The following ABCA13 variants were observed in gnomAD, a reference collection of about 807,000 sequenced individuals.
The protein encoded by ABCA13 is ATP-binding cassette sub-family A member 13.
A neutral mutation model predicts 478.7 loss-of-function variants in ABCA13; 476 were observed. The ratio of observed to expected loss-of-function variants is 0.99; its 90% confidence interval spans 0.92 to 1.07. ABCA13 has a LOEUF of 1.07. Ranked by LOEUF, ABCA13 falls within the 50% of genes least tolerant of loss-of-function variation. The pLI, the probability that ABCA13 is intolerant of heterozygous loss-of-function variation, is 0.00. For missense variants in ABCA13, 6,060 were observed against 5,910.6 expected, an observed-to-expected ratio of 1.03 and a Z score of -0.83; for synonymous variants, 2,252 against 2,158.9, an observed-to-expected ratio of 1.04 and a Z score of -1.20.
chr7:48,329,835 A>G (rs1804946559), intron 27 of ABCA13, among the ~76,000 whole-genome samples: 1 of 151,758 alleles, frequency 6.6e-6, no homozygotes, highest in Admixed American at 6.6e-5. Flanking sequence ...TCATTCATCC[A>G]TCTATCCATG....
At chr7:48,547,639 C>A (rs1331201056) in intron 55 of ABCA13, among the ~76,000 whole-genome samples, 2 of 151,898 alleles carry the variant, frequency 1.3e-5, no homozygotes, top group Non-Finnish European at 2.9e-5. Context: ...GATGTCCCAA[C>A]TTTACACTGG....
At chr7:48,287,818 T>C in intron 19 of ABCA13, 142 bp from the exon 20 acceptor site, 1 of 662,842 alleles carries the variant, frequency 1.5e-6, no homozygotes. Flanking sequence ...TTTACCCTCA[T>C]CATCTGAATG....
chr7:48,303,430 T>G (rs1800441489), intron 23 of ABCA13, among the ~76,000 whole-genome samples: 1 of 152,226 alleles, frequency 6.6e-6, no homozygotes, highest in Admixed American at 6.5e-5. Context: ...TCCAGAATAG[T>G]ATTACCTAGG....
chr7:48,639,353 G>C, intron 59 of ABCA13, among the ~76,000 whole-genome samples: 1 of 152,320 alleles, frequency 6.6e-6, no homozygotes, highest in South Asian at 2.1e-4. Context: ...CAGATCACTG[G>C]AATTTGGTAC....
chr7:48,378,919 C>A (rs751025438), intron 35 of ABCA13, among the ~76,000 whole-genome samples: 29 of 152,208 alleles, frequency 1.9e-4, no homozygotes, highest in Non-Finnish European at 3.7e-4. Flanking sequence ...AGTAGGACCT[C>A]AATCCACCTT....
intron 32 of ABCA13, among the ~76,000 whole-genome samples, chr7:48,369,835 A>G (rs529640048): frequency 6.6e-6 from 1 of 152,200 alleles, no homozygotes; most frequent in African/African-American, 2.4e-5. Flanking sequence ...TGATGCCTCC[A>G]GATTTGTTCT....
intron 31 of ABCA13, among the ~76,000 whole-genome samples, chr7:48,362,674 T>C (rs1334383426): frequency 6.6e-6 from 1 of 151,740 alleles, no homozygotes; most frequent in African/African-American, 2.4e-5. Flanking sequence ...ATTATTATTG[T>C]AGTGGTTACC....
chr7:48,429,898 C>A (rs925554842), intron 42 of ABCA13, among the ~76,000 whole-genome samples: 1 of 152,102 alleles, frequency 6.6e-6, no homozygotes, highest in Non-Finnish European at 1.5e-5. Flanking sequence ...ATTCCTGGGA[C>A]AAATTCTACC....
In ABCA13 at chr7:48,278,388, G is replaced by A. The variant is rs769358635; in HGVS notation, c.7194G>A (p.Lys2398=). The change falls in exon 18 of 62, where the codon AAG becomes AAA. Residue 2398 remains lysine (K), a synonymous_variant. Coordinates refer to ENST00000435803, the MANE Select transcript of ABCA13 (RefSeq NM_152701.5). ...GTCAGTTGTTTTTCCATGTGAATAA[G>A]TCTGAGGACCTCTTCAAACTCAATC... ...VVSQLFFHVN[K]SEDLFKLNQD... is the part of the protein sequence containing the mutation. 3.7e-6 allele frequency: 6 copies of A among 1,613,874 alleles called. No individual in the cohort carries two copies. The South Asian group carries it at 6.6e-5, about 18-fold the overall frequency.
intron 58 of ABCA13, among the ~76,000 whole-genome samples, chr7:48,613,071 A>G (rs1482154913): frequency 6.6e-6 from 1 of 152,144 alleles, no homozygotes; most frequent in Non-Finnish European, 1.5e-5. Flanking sequence ...AATGGTCTCT[A>G]CATGTTATTT....
intron 55 of ABCA13, among the ~76,000 whole-genome samples, chr7:48,573,662 A>G (rs148777228): frequency 1.3e-5 from 2 of 152,148 alleles, no homozygotes; most frequent in Non-Finnish European, 2.9e-5. Flanking sequence ...GGAGCCCAGG[A>G]GTTCGAGGCT....
chr7:48,302,288 C>T (rs1179587535), intron 23 of ABCA13, among the ~76,000 whole-genome samples: 1 of 152,196 alleles, frequency 6.6e-6, no homozygotes, highest in South Asian at 2.1e-4. Context: ...GCATTGATCT[C>T]TGCAAAAATG....
At chr7:48,448,136 C>T (rs2129178858) in intron 42 of ABCA13, among the ~76,000 whole-genome samples, 1 of 152,194 alleles carries the variant, frequency 6.6e-6, no homozygotes, top group Middle Eastern at 3.4e-3. Context: ...ACCTTGCCTC[C>T]CAAATGTGAC....
intron 55 of ABCA13, among the ~76,000 whole-genome samples, chr7:48,551,202 T>C (rs1785293372): frequency 6.6e-6 from 1 of 151,860 alleles, no homozygotes; most frequent in African/African-American, 2.4e-5. Context: ...TGTCTACTCC[T>C]ACTTAATATG....
chr7:48,477,625 C>T (rs1828267297), intron 45 of ABCA13, among the ~76,000 whole-genome samples: 1 of 151,318 alleles, frequency 6.6e-6, no homozygotes, highest in Admixed American at 6.6e-5. Context: ...TCATTCTCAG[C>T]AAACTATCGC....
At chr7:48,474,565 G>A (rs1477027256) in intron 45 of ABCA13, among the ~76,000 whole-genome samples, 1 of 152,290 alleles carries the variant, frequency 6.6e-6, no homozygotes, top group East Asian at 1.9e-4. Context: ...GTTTCCTTTG[G>A]TAAGGAGTTT....
intron 42 of ABCA13, among the ~76,000 whole-genome samples, chr7:48,432,824 T>C (rs1822322807): frequency 6.6e-6 from 1 of 151,868 alleles, no homozygotes; most frequent in Non-Finnish European, 1.5e-5. Context: ...TGGGAGGGGA[T>C]GTGGTGAGGA....
intron 7 of ABCA13, among the ~76,000 whole-genome samples, chr7:48,230,597 A>T (rs1788906752): frequency 6.6e-6 from 1 of 152,200 alleles, no homozygotes; most frequent in African/African-American, 2.4e-5. Context: ...TCATCTGTCC[A>T]TCCATCCACC....
At chr7:48,424,308 A>G (rs1254253100) in intron 41 of ABCA13, among the ~76,000 whole-genome samples, 2 of 152,220 alleles carry the variant, frequency 1.3e-5, no homozygotes, top group African/African-American at 4.8e-5. Flanking sequence ...ACGTTTCTTT[A>G]TTTGAATTAC....
Sources: allele counts gnomAD v4.1 joint callset (sites outside exome capture counted in the v4.1 genomes callset), GRCh38; gene constraint gnomAD v4.1.1; transcripts MANE v1.5; gene names NCBI Gene and HGNC (gene_info 2026-07-23, HGNC 2026-07-21).